The following UBR2 variants were observed in gnomAD, a reference collection of about 807,000 sequenced individuals.
UBR2 encodes the protein ubiquitin protein ligase E3 component n-recognin 2.
Under a neutral mutation model 247.9 loss-of-function variants are expected in UBR2, and 92 were observed. That is an observed-to-expected ratio of 0.37 (90% confidence interval 0.31 to 0.44). UBR2 has a LOEUF of 0.44. UBR2 is among the 20% of genes least tolerant of loss of function. The probability of loss-of-function intolerance (pLI) is 1.00; values close to 1 mark genes in which losing one functional copy is unlikely to be tolerated. For missense variants in UBR2, 1,613 were observed against 2,112.6 expected (o/e 0.76, Z 4.64); for synonymous variants, 672 against 693.5 (o/e 0.97, Z 0.49).
intron 7 of UBR2, among the ~76,000 whole-genome samples, chr6:42,608,971 T>C (rs920923183): frequency 3.3e-5 from 5 of 152,194 alleles, no homozygotes; most frequent in African/African-American, 1.2e-4. Flanking sequence ...AATTTAATAA[T>C]GTATCAGAAA....
chr6:42,682,245 C>G (rs559139817), intron 42 of UBR2, among the ~76,000 whole-genome samples: 1 of 151,952 alleles, frequency 6.6e-6, no homozygotes, highest in Non-Finnish European at 1.5e-5. Flanking sequence ...TGGTGGTTCC[C>G]AGGGGCTGGG....
At chr6:42,587,700 T>C (rs1481529059) in intron 2 of UBR2, among the ~76,000 whole-genome samples, 1 of 152,196 alleles carries the variant, frequency 6.6e-6, no homozygotes, top group Non-Finnish European at 1.5e-5. Flanking sequence ...AAATCATTCT[T>C]AGTTGCAGGT....
rs1412452673 is a variant in UBR2, at chr6:42,644,262, A to G, written c.2146A>G (p.Ser716Gly). 6.2e-7 allele frequency: 1 copy of G among 1,613,256 alleles called. No homozygotes were observed. The highest frequency in any genetic ancestry group is 8.5e-7 in the Non-Finnish European group (1 of 1,179,844). The change falls in exon 19 of 47, where the codon AGC (serine) becomes GGC (glycine). Residue 716 changes from serine (S) to glycine (G), a missense_variant. By Grantham distance (56) the Ser-to-Gly change is moderately conservative (BLOSUM62 0). Transcript: ENST00000372901. The stretch of plus-strand genomic sequence containing the variant: ...AAATCATTTCCTGATGATCATGCTC[A>G]GCCGCTTTGAACTTTATCAGATTTT... ...DPNHFLMIML[S>G]RFELYQIFST...
In UBR2 at chr6:42,662,282, T is replaced by C; in HGVS notation, c.3536+5T>C. 1.3e-6 allele frequency: 2 copies of C among 1,559,068 alleles called. No individual in the cohort carries two copies. The highest frequency in any genetic ancestry group is 1.8e-6 in the Non-Finnish European group (2 of 1,142,698). ...GCATGCCCATTGTTGGCAAAGGTAA[T>C]GTATATTCTTAATATTTGTCAAGAG... On this transcript the variant is annotated splice_donor_5th_base_variant and intron_variant, in intron 31 of 46. Transcript: ENST00000372901.
In UBR2 at chr6:42,670,239, A is replaced by G. The variant is rs1415671133; in HGVS notation, c.4029A>G (p.Ile1343Met). ...WGSCAYTIQS[I>M]ERILSDEDKP... ...GCTGCGCGTACACCATCCAAAGCATAGGTAAGAGATTTACAGCTGTTTCTC... is the reference window on the plus strand; with the variant it reads ...GCTGCGCGTACACCATCCAAAGCATGGGTAAGAGATTTACAGCTGTTTCTC... The change falls in exon 35 of 47, where the codon ATA becomes ATG. Residue 1343 changes from isoleucine (I) to methionine (M), a missense_variant and splice_region_variant. Ile to Met is a conservative substitution (Grantham distance 10). Around this residue, in one of 3 missense-constraint regions of UBR2, gnomAD observed 1,524 missense variants for 1,967.3 expected, o/e 0.77. Transcript: ENST00000372901. 1 of 1,613,000 alleles carries G rather than the reference A, an allele frequency of 6.2e-7. No individual in the cohort carries two copies. The highest frequency in any genetic ancestry group is 1.1e-5 in the South Asian group (1 of 91,002).
rs1015748515 is a variant in UBR2 at position 42,688,222 on chromosome 6, G to A, written c.4860G>A (p.Pro1620=). Residue 1620 remains proline, a synonymous_variant, in exon 45 of 47, where the codon CCG becomes CCA. Transcript: ENST00000372901. ...GGTTTTTTATCCCTTGGAGGTGCCCGAAATCAGGTGGTGATAAGAGCAGAG... is the reference window on the plus strand; with the variant it reads ...GGTTTTTTATCCCTTGGAGGTGCCCAAAATCAGGTGGTGATAAGAGCAGAG... ...LINQASNFSC[P]KSGGDKSRAP... The A allele has an allele frequency of 8.7e-6, 14 of 1,613,996 alleles. No individual in the cohort carries two copies. Among genetic ancestry groups the A allele is most frequent in the Admixed American group, 3.3e-5 (2 of 59,988 alleles).
chr6:42,633,753 T>C (rs1795912302), intron 13 of UBR2, among the ~76,000 whole-genome samples: 2 of 147,422 alleles, frequency 1.4e-5, no homozygotes, highest in South Asian at 4.3e-4. Flanking sequence ...GTTTGAGACA[T>C]AGTTTTTCAC....
chr6:42,578,972 AACACACACACACAC>A (rs35575176), intron 2 of UBR2, among the ~76,000 whole-genome samples: 9 of 148,836 alleles, frequency 6.0e-5, no homozygotes, highest in Non-Finnish European at 6.0e-5. Flanking sequence ...CACACACACA[AACACACACACACAC>A]ACACACACAC....
At chr6:42,666,937 TC>T (rs1191304893) in intron 34 of UBR2, among the ~76,000 whole-genome samples, 3 of 152,176 alleles carry the variant, frequency 2.0e-5, no homozygotes, top group African/African-American at 7.2e-5. Flanking sequence ...CCCTCATCTG[TC>T]AAGTGAGGAT....
chr6:42,632,784 T>C, intron 12 of UBR2, 21 bp from the exon 13 acceptor site: 2 of 1,590,922 alleles, frequency 1.3e-6, no homozygotes, highest in Non-Finnish European at 1.7e-6. Flanking sequence ...TAATTGCCAC[T>C]GTCACTTTTA....
intron 3 of UBR2, among the ~76,000 whole-genome samples, chr6:42,593,415 G>C (rs1211249547): frequency 2.6e-5 from 4 of 152,054 alleles, no homozygotes; most frequent in Non-Finnish European, 5.9e-5. Flanking sequence ...TAATTATATT[G>C]TGATATATAA....
chr6:42,593,866 G>A (rs1240973948), intron 3 of UBR2, among the ~76,000 whole-genome samples: 2 of 152,128 alleles, frequency 1.3e-5, no homozygotes, highest in Admixed American at 1.3e-4. Flanking sequence ...ACAACCTGTA[G>A]CGTAGATATC....
chr6:42,596,976 G>A (rs115303457), intron 4 of UBR2, among the ~76,000 whole-genome samples: 184 of 152,304 alleles, frequency 1.2e-3, no homozygotes, highest in African/African-American at 3.8e-3. Context: ...TTAATTTTAT[G>A]TTCTGTAAAT....
At position 42,647,417 on chromosome 6, in the gene UBR2, TAAAAAA is replaced by T. The variant is rs750938791; in HGVS notation, c.2410-677_2410-672del. 4.4e-3 allele frequency among the ~76,000 whole-genome samples: 447 copies of T among 102,154 alleles called. 2 individuals are homozygous for T. The highest frequency in any genetic ancestry group is 0.013 in the African/African-American group (374 of 27,808). The allele number at this position is 102,154 out of a possible 152,430, so 67.0% of individuals were successfully genotyped here. A position where few individuals can be genotyped will look rare whatever the true frequency, so the allele number is the denominator to read the frequency against. On this transcript the variant is annotated intron_variant, in intron 21 of 46. Coordinates refer to ENST00000372901, the MANE Select transcript of UBR2 (RefSeq NM_001363705.2). ...CAACACAGTTAAACCCCATCGCTAC[TAAAAAA>T]AAAAAAAAAAAAAAAAAAAAAAATT...
rs928444484 is a variant in UBR2, at chr6:42,691,758, G to A, written c.*585G>A. The A allele has an allele frequency of 6.6e-6, 1 of 151,440 alleles. No individual in the cohort carries two copies. The highest frequency in any genetic ancestry group is 2.4e-5 in the African/African-American group (1 of 41,152). 9.4% of individuals were successfully genotyped at this position (151,440 alleles called of 1,614,324 possible). A position where few individuals can be genotyped will look rare whatever the true frequency, so the allele number is the denominator to read the frequency against. Reference sequence around the variant, plus strand: ...GAGAAGGTGGATTCCTGGTGTGCTGGCTGGTTTTTCAGGGCTGTTAGAGGT... The same window carrying A: ...GAGAAGGTGGATTCCTGGTGTGCTGACTGGTTTTTCAGGGCTGTTAGAGGT... On this transcript the variant is annotated 3_prime_UTR_variant, in exon 47 of 47. Coordinates refer to ENST00000372901, the MANE Select transcript of UBR2 (RefSeq NM_001363705.2).
chr6:42,657,053 G>A (rs1394219743), intron 26 of UBR2, among the ~76,000 whole-genome samples: 1 of 151,848 alleles, frequency 6.6e-6, no homozygotes, highest in African/African-American at 2.4e-5. Flanking sequence ...TGGCCAACAT[G>A]ACGAAACCCT....
chr6:42,640,510 A>G (rs1474499847), intron 16 of UBR2, among the ~76,000 whole-genome samples: 1 of 151,846 alleles, frequency 6.6e-6, no homozygotes, highest in Non-Finnish European at 1.5e-5. Context: ...GGGGGCTGAA[A>G]TCTGGCAAGT....
chr6:42,614,435 T>TGTACGTACATATATACGTATATATGTAC (rs1562312361), intron 8 of UBR2, among the ~76,000 whole-genome samples: 2 of 149,568 alleles, frequency 1.3e-5, no homozygotes, highest in African/African-American at 4.9e-5. Context: ...TATATATGTA[T>TGTACGTACATATATACGTATATATGTAC]GTACGTACAT....
intron 11 of UBR2, among the ~76,000 whole-genome samples, chr6:42,624,958 T>G (rs190262136): frequency 6.6e-6 from 1 of 152,346 alleles, no homozygotes; most frequent in Non-Finnish European, 1.5e-5. Context: ...GGCAGTTTCC[T>G]TTTGGAAAGG....
Sources: allele counts gnomAD v4.1 joint callset (sites outside exome capture counted in the v4.1 genomes callset), GRCh38; gene constraint gnomAD v4.1.1; regional missense constraint gnomAD v4.1.1; transcripts MANE v1.5; gene names NCBI Gene and HGNC (gene_info 2026-07-23, HGNC 2026-07-21).